SPAG17: variants seen among roughly 807,000 people sequenced by gnomAD.
The protein encoded by SPAG17 is sperm-associated antigen 17.
In SPAG17, 169 loss-of-function variants were observed where a neutral mutation model predicts 273.6. That is an observed-to-expected ratio of 0.62 (90% CI 0.55 to 0.70). The LOEUF (loss-of-function observed/expected upper bound fraction) is 0.70. Among genes scored for constraint, SPAG17 ranks in the 30% least tolerant of loss-of-function variants. The probability of loss-of-function intolerance (pLI) is 0.00; values close to 1 mark genes in which losing one functional copy is unlikely to be tolerated. For missense variants in SPAG17, 2,557 were observed against 2,627.8 expected (o/e 0.97, Z 0.59); for synonymous variants, 825 against 873.2 (o/e 0.94, Z 0.97).
chr1:118,056,748 G>A (rs1651721224), intron 18 of SPAG17, among the ~76,000 whole-genome samples: 2 of 151,936 alleles, frequency 1.3e-5, no homozygotes, highest in South Asian at 4.1e-4. Context: ...CATCCTTTTT[G>A]GAGAAATAAA....
chr1:118,108,107 G>A (rs1436877275), intron 4 of SPAG17, among the ~76,000 whole-genome samples: 1 of 152,120 alleles, frequency 6.6e-6, no homozygotes, highest in Non-Finnish European at 1.5e-5. Flanking sequence ...CCTACCCAGT[G>A]CATTCTGCTC....
intron 18 of SPAG17, among the ~76,000 whole-genome samples, chr1:118,062,006 A>T (rs978980015): frequency 2.6e-5 from 4 of 152,176 alleles, no homozygotes; most frequent in South Asian, 2.1e-4. Context: ...TAAATTTTTT[A>T]AAAAATCCCA....
Position 118,148,230 on chromosome 1 carries a change from A to G in SPAG17, c.315+2313T>C, listed in dbSNP as rs142979164. Among the ~76,000 whole-genome samples, 370 of 152,276 alleles carry G rather than the reference A, an allele frequency of 2.4e-3. 6 individuals carry two copies. The highest frequency in any genetic ancestry group is 8.5e-3 in the African/African-American group (352 of 41,544). ...AAGTGTCCTAGTGTGTCTGGAGTTG[A>G]TTCCTTCCAGTGGGTTCCTCGTCTC... On this transcript the variant is annotated intron_variant, in intron 3 of 48. Transcript: ENST00000336338.
chr1:118,009,173 T>C (rs1268671702), intron 30 of SPAG17, among the ~76,000 whole-genome samples: 1 of 151,914 alleles, frequency 6.6e-6, no homozygotes, highest in East Asian at 1.9e-4. Flanking sequence ...ATGTAATGTA[T>C]AGCATAAAAA....
At chr1:118,047,633 C>T (rs1650515037) in intron 20 of SPAG17, among the ~76,000 whole-genome samples, 1 of 152,198 alleles carries the variant, frequency 6.6e-6, no homozygotes, top group Non-Finnish European at 1.5e-5. Context: ...ATCCGGCTTC[C>T]AGGCCCTCCT....
At chr1:118,164,730 C>G (rs555053523) in intron 1 of SPAG17, among the ~76,000 whole-genome samples, 1 of 152,198 alleles carries the variant, frequency 6.6e-6, no homozygotes, top group Non-Finnish European at 1.5e-5. Flanking sequence ...ATTCAAAGCC[C>G]TTTACATTCT....
chr1:118,038,995 G>A (rs1189569437), intron 23 of SPAG17, among the ~76,000 whole-genome samples: 1 of 152,120 alleles, frequency 6.6e-6, no homozygotes, highest in Non-Finnish European at 1.5e-5. Context: ...AATAGTGGAA[G>A]AGGCTGGACA....
chr1:118,134,694 C>T (rs1658241914), intron 3 of SPAG17, among the ~76,000 whole-genome samples: 1 of 152,122 alleles, frequency 6.6e-6, no homozygotes, highest in Admixed American at 6.6e-5. Flanking sequence ...ATACTAGGGC[C>T]CTTTATGATT....
At chr1:118,128,562 CT>C (rs1657873213) in intron 3 of SPAG17, among the ~76,000 whole-genome samples, 1 of 152,130 alleles carries the variant, frequency 6.6e-6, no homozygotes, top group Admixed American at 6.5e-5. Flanking sequence ...TACCTTCCTT[CT>C]CTTTAAATCT....
At chr1:118,181,576 C>T (rs761695788) in intron 1 of SPAG17, among the ~76,000 whole-genome samples, 5 of 152,130 alleles carry the variant, frequency 3.3e-5, no homozygotes, top group Non-Finnish European at 5.9e-5. Context: ...AGACACTCAA[C>T]ATCACTTATC....
chr1:117,995,853 A>C (rs879765429), intron 34 of SPAG17, among the ~76,000 whole-genome samples: 2 of 152,022 alleles, frequency 1.3e-5, no homozygotes, highest in Non-Finnish European at 2.9e-5. Flanking sequence ...TGTATCTCTA[A>C]CCTCTGGCAA....
At chr1:118,131,068 G>A (rs1005900600) in intron 3 of SPAG17, among the ~76,000 whole-genome samples, 1 of 152,188 alleles carries the variant, frequency 6.6e-6, no homozygotes, top group Non-Finnish European at 1.5e-5. Flanking sequence ...TATGAGGTGT[G>A]AGCCAGATCA....
intron 1 of SPAG17, among the ~76,000 whole-genome samples, chr1:118,172,303 G>A (rs1460185406): frequency 6.6e-6 from 1 of 152,164 alleles, no homozygotes; most frequent in Non-Finnish European, 1.5e-5. Flanking sequence ...TCAATCCCTT[G>A]AGTATTAGGA....
At chr1:117,991,728 A>G (rs1263355741) in intron 36 of SPAG17, among the ~76,000 whole-genome samples, 200 bp from the exon 37 acceptor site, 2 of 152,232 alleles carry the variant, frequency 1.3e-5, no homozygotes, top group Non-Finnish European at 2.9e-5. Context: ...GTGCAAAAGC[A>G]AAGCTTTAAG....
chr1:118,027,051 T>G (rs866720065), intron 26 of SPAG17, among the ~76,000 whole-genome samples: 36 of 152,182 alleles, frequency 2.4e-4, no homozygotes, highest in Admixed American at 3.9e-4. Context: ...GAAAGGGGTA[T>G]TAAGCTGGGG....
chr1:118,036,601 GACAC>G (rs35746934), intron 24 of SPAG17, 165 bp downstream of exon 24: 249 of 494,686 alleles, frequency 5.0e-4, no homozygotes, highest in African/African-American at 1.2e-3. Flanking sequence ...CACATATATA[GACAC>G]ACACACACAC....
At chr1:118,039,594 TTGAGCACACA>T in intron 22 of SPAG17, 150 bp from the exon 23 acceptor site, 1 of 777,400 alleles carries the variant, frequency 1.3e-6, no homozygotes, top group East Asian at 2.7e-5. Flanking sequence ...CAGCTAAACA[TTGAGCACACA>T]TGAACACAAA....
At chr1:118,075,847 C>T (rs1654037875) in intron 15 of SPAG17, among the ~76,000 whole-genome samples, 1 of 152,112 alleles carries the variant, frequency 6.6e-6, no homozygotes, top group Admixed American at 6.6e-5. Flanking sequence ...TCACCTTTTT[C>T]AGACCCTGAC....
intron 48 of SPAG17, chr1:117,960,321 A>G (rs1652895189): frequency 6.6e-6 from 1 of 152,164 alleles, no homozygotes; most frequent in Non-Finnish European, 1.5e-5. Flanking sequence ...TGACTGATGT[A>G]TTATATATAT....
Sources: gnomAD v4.1 joint callset for allele counts (sites outside exome capture counted in the v4.1 genomes callset) on GRCh38, gnomAD v4.1.1 for gene constraint, MANE v1.5 for transcripts, NCBI Gene and HGNC (gene_info 2026-07-23, HGNC 2026-07-21) for gene names.